The following STRN3 variants were observed in gnomAD, a reference collection of about 807,000 sequenced individuals.
STRN3 encodes striatin 3.
In STRN3, 29 loss-of-function variants were observed where a neutral mutation model predicts 95.6. That is an observed-to-expected ratio of 0.30 (90% CI 0.23 to 0.41). The LOEUF (loss-of-function observed/expected upper bound fraction) is 0.41. Among genes scored for constraint, STRN3 ranks in the 10% least tolerant of loss-of-function variants. STRN3 has a pLI of 1.00. For synonymous variants in STRN3, 331 were observed against 357.6 expected (o/e 0.93, Z 0.84); for missense variants, 890 against 972.1 (o/e 0.92, Z 1.12).
At chr14:30,995,212 G>A (rs888350144) in intron 1 of STRN3, among the ~76,000 whole-genome samples, 4 of 152,088 alleles carry the variant, frequency 2.6e-5, no homozygotes, top group Non-Finnish European at 5.9e-5. Context: ...AGATTCATCT[G>A]TCCAAAATGA....
intron 8 of STRN3, among the ~76,000 whole-genome samples, chr14:30,922,047 T>C (rs1896897630): frequency 6.6e-6 from 1 of 151,424 alleles, no homozygotes; most frequent in Non-Finnish European, 1.5e-5. Flanking sequence ...CCATCAAGCT[T>C]GGCTAATTTA....
chr14:30,947,752 A>T (rs1348445339), intron 4 of STRN3, among the ~76,000 whole-genome samples: 1 of 152,190 alleles, frequency 6.6e-6, no homozygotes, highest in Admixed American at 6.5e-5. Flanking sequence ...TTCTCCTTCT[A>T]GGATCTAAGA....
At chr14:30,927,847 T>C (rs10140238) in intron 8 of STRN3, among the ~76,000 whole-genome samples, 95,601 of 149,022 alleles carry the variant, frequency 0.64, 31,441 homozygotes, top group Non-Finnish European at 0.73. Context: ...GCCGAAGAAT[T>C]GCTTGAACCC....
At chr14:30,982,097 A>AC (rs1484881252) in intron 1 of STRN3, among the ~76,000 whole-genome samples, 3 of 114,094 alleles carry the variant, frequency 2.6e-5, no homozygotes, top group African/African-American at 1.0e-4. Context: ...ACTCTGTCTC[A>AC]CAAAAAAAAA....
At chr14:30,933,874 T>C (rs751697327) in intron 7 of STRN3, among the ~76,000 whole-genome samples, 3 of 152,236 alleles carry the variant, frequency 2.0e-5, no homozygotes, top group Non-Finnish European at 4.4e-5. Context: ...GTATTACATA[T>C]TAGGTTTTTT....
intron 1 of STRN3, among the ~76,000 whole-genome samples, chr14:30,967,404 T>C (rs1054533806): frequency 4.6e-5 from 7 of 152,310 alleles, no homozygotes; most frequent in Admixed American, 3.3e-4. Context: ...AAAAACAGTG[T>C]ACCCTATTCC....
intron 1 of STRN3, among the ~76,000 whole-genome samples, chr14:30,971,544 C>T (rs1483044689): frequency 1.3e-5 from 2 of 152,122 alleles, no homozygotes; most frequent in Non-Finnish European, 2.9e-5. Flanking sequence ...AATAGCTGAA[C>T]AATTAGGGGC....
intron 1 of STRN3, among the ~76,000 whole-genome samples, chr14:31,007,929 A>T (rs1008565351): frequency 2.6e-5 from 4 of 152,162 alleles, no homozygotes; most frequent in African/African-American, 9.7e-5. Context: ...GTGGTGGCTC[A>T]CACCTGTAAT....
At chr14:30,972,168 C>G (rs1432336114) in intron 1 of STRN3, among the ~76,000 whole-genome samples, 1 of 152,062 alleles carries the variant, frequency 6.6e-6, no homozygotes, top group Non-Finnish European at 1.5e-5. Flanking sequence ...TCTACTCCAC[C>G]CTGATTCATT....
At chr14:30,984,226 A>G (rs1881557666) in intron 1 of STRN3, among the ~76,000 whole-genome samples, 1 of 144,106 alleles carries the variant, frequency 6.9e-6, no homozygotes, top group Non-Finnish European at 1.5e-5. Context: ...ACTATGAAGG[A>G]AAAATGAAGC....
chr14:31,026,264 G>A lies in STRN3; in HGVS notation c.-79C>T, dbSNP rs1883921488. 2.3e-6 allele frequency: 3 copies of A among 1,317,178 alleles called. No individual in the cohort carries two copies. The highest frequency in any genetic ancestry group is 3.1e-5 in the East Asian group (1 of 31,782). 81.6% of individuals were successfully genotyped at this position (1,317,178 alleles called of 1,614,324 possible). A position where few individuals can be genotyped will look rare whatever the true frequency, so the allele number is the denominator to read the frequency against. ...GGGCCGGAGAGGGTGGCCCCGCGCT[G>A]GCTGCGGGGCGGAGGCCGGCCGGGA... On this transcript the variant is annotated 5_prime_UTR_variant, in exon 1 of 18. Transcript: ENST00000357479.
intron 16 of STRN3, among the ~76,000 whole-genome samples, chr14:30,898,801 T>C (rs751368822): frequency 6.6e-6 from 1 of 152,226 alleles, no homozygotes. Flanking sequence ...CAGATGCCAC[T>C]GCACATGCCC....
rs914503567 is a variant in STRN3 at position 30,969,690 on chromosome 14, T to C, written c.283-13448A>G. On this transcript the variant is annotated intron_variant, in intron 1 of 17. Coordinates refer to ENST00000357479, the MANE Select transcript of STRN3 (RefSeq NM_001083893.2). ...CAGTAAGAAGGCACCAAAAACTATA[T>C]ATAAAGTCCACTGTTGATGTCCCCA... is the stretch of plus-strand genomic sequence containing the variant. Among the ~76,000 whole-genome samples the C allele has an allele frequency of 1.4e-4, 21 of 152,280 alleles. No individual in the cohort carries two copies. In the South Asian group the frequency reaches 1.7e-3, roughly 12 times the overall value.
At chr14:30,944,803 T>C (rs1879281547) in intron 5 of STRN3, among the ~76,000 whole-genome samples, 3 of 151,538 alleles carry the variant, frequency 2.0e-5, no homozygotes, top group Non-Finnish European at 4.4e-5. Flanking sequence ...AGAGATGGGG[T>C]TTCACCATGT....
At chr14:30,966,676 G>A (rs1880526301) in intron 1 of STRN3, among the ~76,000 whole-genome samples, 1 of 152,174 alleles carries the variant, frequency 6.6e-6, no homozygotes, top group East Asian at 1.9e-4. Flanking sequence ...AATTCTGGAG[G>A]GCTAAATGTG....
chr14:30,977,542 G>C (rs1433451105), intron 1 of STRN3, among the ~76,000 whole-genome samples: 1 of 151,724 alleles, frequency 6.6e-6, no homozygotes, highest in African/African-American at 2.4e-5. Flanking sequence ...CCAGCACTTT[G>C]GGAAGCCGAG....
chr14:30,928,728 G>C (rs1196391378), intron 8 of STRN3, among the ~76,000 whole-genome samples: 1 of 152,080 alleles, frequency 6.6e-6, no homozygotes, highest in Non-Finnish European at 1.5e-5. Context: ...TTTTGCTATT[G>C]TTGTTGTTAG....
rs756764805 is a variant in STRN3 at position 30,905,385 on chromosome 14, T to C, written c.2029+33A>G. On this transcript the variant is annotated intron_variant, in intron 15 of 17. Coordinates refer to ENST00000357479, the MANE Select transcript of STRN3 (RefSeq NM_001083893.2). ...ACCCTCTATTGTGTAATAACCCTTT[T>C]TAAGGTTTCAAAGAAACTCCATGAA... 1.3e-5 allele frequency: 20 copies of C among 1,565,806 alleles called. No individual in the cohort carries two copies. In the Admixed American group the frequency reaches 1.6e-4, roughly 13 times the overall value.
chr14:30,967,670 A>G (rs1345600710), intron 1 of STRN3, among the ~76,000 whole-genome samples: 2 of 152,214 alleles, frequency 1.3e-5, no homozygotes, highest in Non-Finnish European at 2.9e-5. Context: ...TTTAGAGGAA[A>G]CCCCATTGTG....
Sources: allele counts gnomAD v4.1 joint callset (sites outside exome capture counted in the v4.1 genomes callset), GRCh38; gene constraint gnomAD v4.1.1; transcripts MANE v1.5; gene names NCBI Gene and HGNC (gene_info 2026-07-23, HGNC 2026-07-21).